PIAS1: variants seen among roughly 807,000 people sequenced by gnomAD.
The protein encoded by PIAS1 is protein inhibitor of activated STAT 1, also known as E3 SUMO-protein ligase PIAS1.
A neutral mutation model predicts 71.3 loss-of-function variants in PIAS1; 6 were observed. That is an observed-to-expected ratio of 0.08 (90% confidence interval 0.05 to 0.17). The LOEUF is 0.17. PIAS1 is among the 10% of genes least tolerant of loss of function. The probability of loss-of-function intolerance (pLI) is 1.00; values close to 1 mark genes in which losing one functional copy is unlikely to be tolerated. For missense variants in PIAS1, 555 were observed against 793.6 expected (o/e 0.70, Z 3.61); for synonymous variants, 303 against 292.9 (o/e 1.03, Z -0.35).
chr15:68,124,637 C>G (rs931288011), intron 2 of PIAS1, among the ~76,000 whole-genome samples: 1 of 152,146 alleles, frequency 6.6e-6, no homozygotes, highest in Non-Finnish European at 1.5e-5. Flanking sequence ...ATGAGAATCT[C>G]TTGAACCGGG....
At chr15:68,112,856 C>CA (rs10683193) in intron 2 of PIAS1, among the ~76,000 whole-genome samples, 2 of 152,270 alleles carry the variant, frequency 1.3e-5, no homozygotes, top group East Asian at 3.9e-4. Context: ...GAGTATGTCT[C>CA]GGAAATAACA....
At chr15:68,139,701 A>G (rs925717813) in intron 2 of PIAS1, among the ~76,000 whole-genome samples, 14 of 152,148 alleles carry the variant, frequency 9.2e-5, no homozygotes, top group African/African-American at 3.1e-4. Context: ...TTTATATAAC[A>G]TTTTAGTTTT....
chr15:68,112,617 G>A (rs1478700004), intron 2 of PIAS1, among the ~76,000 whole-genome samples: 1 of 152,114 alleles, frequency 6.6e-6, no homozygotes, highest in Non-Finnish European at 1.5e-5. Flanking sequence ...ACAGAAAAAG[G>A]CCAATAAGGG....
chr15:68,075,113 GTC>G (rs2092145892), intron 1 of PIAS1, among the ~76,000 whole-genome samples: 1 of 110,670 alleles, frequency 9.0e-6, no homozygotes, highest in African/African-American at 3.7e-5. Context: ...TTGAGGCGGA[GTC>G]TCTCTTTTGC....
At chr15:68,061,736 A>T (rs750865239) in intron 1 of PIAS1, among the ~76,000 whole-genome samples, 17 of 152,184 alleles carry the variant, frequency 1.1e-4, no homozygotes, top group Non-Finnish European at 1.9e-4. Flanking sequence ...TGTCACTCCT[A>T]TCTATAAAAA....
chr15:68,183,607 T>A, intron 12 of PIAS1, 23 bp from the exon 13 acceptor site: 2 of 986,964 alleles, frequency 2.0e-6, no homozygotes, highest in Non-Finnish European at 3.1e-6. Context: ...TTTTTTAAAC[T>A]GAAATAATTT....
chr15:68,138,160 GA>G (rs142109809), intron 2 of PIAS1, among the ~76,000 whole-genome samples: 6 of 151,874 alleles, frequency 4.0e-5, no homozygotes, highest in Non-Finnish European at 8.8e-5. Flanking sequence ...AAAAAAGAAA[GA>G]AAAAATAACC....
At chr15:68,055,854 C>G (rs774735151) in intron 1 of PIAS1, 3 of 694,926 alleles carry the variant, frequency 4.3e-6, no homozygotes, top group Admixed American at 2.0e-5. Flanking sequence ...ATATCCTCAC[C>G]GAAAGAGCTT....
rs60879036 is a variant in PIAS1 at position 68,119,237 on chromosome 15, C to CAAAAAAAAA, written c.470-22690_470-22682dup. Among the ~76,000 whole-genome samples the CAAAAAAAAA allele has an allele frequency of 7.4e-3, 202 of 27,406 alleles. 73 individuals carry two copies. The highest frequency in any genetic ancestry group is 0.027 in the East Asian group (15 of 552). The allele number at this position is 27,406 out of a possible 152,430, so 18.0% of individuals were successfully genotyped here. On this transcript the variant is annotated intron_variant, in intron 2 of 13. Transcript: ENST00000249636. ...CAACATGGTGAAACCCCATCTCTAC[C>CAAAAAAAAA]AAAAAAAAAAAAAAAAAAAAAAAAA...
intron 2 of PIAS1, among the ~76,000 whole-genome samples, chr15:68,134,963 G>GCAGA: frequency 7.7e-5 from 4 of 52,178 alleles, no homozygotes; most frequent in African/African-American, 1.2e-4. Context: ...GGCCGGCCGG[G>GCAGA]GGGGCTAACC....
At chr15:68,101,350 A>G (rs1462809438) in intron 2 of PIAS1, among the ~76,000 whole-genome samples, 1 of 115,030 alleles carries the variant, frequency 8.7e-6, no homozygotes, top group Admixed American at 8.7e-5. Flanking sequence ...TTTTTTTTTA[A>G]CTTATGAGTT....
chr15:68,108,748 A>T (rs758091300), intron 2 of PIAS1, among the ~76,000 whole-genome samples: 1 of 150,732 alleles, frequency 6.6e-6, no homozygotes, highest in Non-Finnish European at 1.5e-5. Context: ...CAAGTCAAAA[A>T]CTCTGGAGTT....
Position 68,178,613 on chromosome 15 carries a change from C to T in PIAS1, c.1481+1959C>T, listed in dbSNP as rs1567078730. Among the ~76,000 whole-genome samples, 1 of 152,092 alleles carries T rather than the reference C, an allele frequency of 6.6e-6. No homozygotes were observed. Among genetic ancestry groups the T allele is most frequent in the Non-Finnish European group, 1.5e-5 (1 of 68,004 alleles). ...TATCAAACCATAGTATGACCAAATA[C>T]ACATTGTCATGTGATTTTTTTAAGT... On this transcript the variant is annotated intron_variant, in intron 11 of 13. Coordinates refer to ENST00000249636, the MANE Select transcript of PIAS1 (RefSeq NM_016166.3). The surrounding 1 kb of genome is among the most constrained non-coding windows in gnomAD (Gnocchi z 4.2).
At chr15:68,142,372 A>C (rs1389799520) in intron 4 of PIAS1, 35 bp downstream of exon 4, 1 of 1,416,416 alleles carries the variant, frequency 7.1e-7, no homozygotes, top group Non-Finnish European at 1.0e-6. Flanking sequence ...TTCAAAGTTT[A>C]AAAGATAATA....
chr15:68,132,579 A>G (rs2092695789), intron 2 of PIAS1, among the ~76,000 whole-genome samples: 1 of 152,216 alleles, frequency 6.6e-6, no homozygotes, highest in South Asian at 2.1e-4. Context: ...TGGCCTATAC[A>G]ATAAGACATG....
At chr15:68,107,596 A>C (rs75345466) in intron 2 of PIAS1, among the ~76,000 whole-genome samples, 3,186 of 152,258 alleles carry the variant, frequency 0.021, 110 homozygotes, top group African/African-American at 0.072. Flanking sequence ...TCAATTTTTA[A>C]TACTTTACCC....
chr15:68,101,338 T>G (rs898321079), intron 2 of PIAS1, among the ~76,000 whole-genome samples: 9 of 152,042 alleles, frequency 5.9e-5, no homozygotes, highest in East Asian at 1.9e-4. Flanking sequence ...CAGTGTTTTT[T>G]TTTTTTTTTT....
rs745849670 is a variant in PIAS1, at chr15:68,086,731, G to A, written c.450G>A (p.Leu150=). The A allele has an allele frequency of 6.8e-6, 11 of 1,606,686 alleles. No homozygotes were observed. The highest frequency in any genetic ancestry group is 8.5e-6 in the Non-Finnish European group (10 of 1,173,382). The part of the protein sequence containing the change: ...KLPFYDLLDE[L]IKPTSLASDN... The stretch of plus-strand genomic sequence containing the variant: ...CATTTTATGATTTACTGGATGAACT[G>A]ATAAAACCCACCAGTCTAGGTAAGA... The change falls in exon 2 of 14, where the codon CTG becomes CTA. Residue 150 remains leucine (L), a synonymous_variant. Coordinates refer to ENST00000249636, the MANE Select transcript of PIAS1 (RefSeq NM_016166.3). The surrounding 1 kb of genome is among the most constrained non-coding windows in gnomAD (Gnocchi z 7.2).
At chr15:68,123,598 A>G (rs1401095330) in intron 2 of PIAS1, among the ~76,000 whole-genome samples, 1 of 152,182 alleles carries the variant, frequency 6.6e-6, no homozygotes, top group Admixed American at 6.5e-5. Flanking sequence ...TTTCCATGGA[A>G]TACCATGGAG....
Sources: allele counts gnomAD v4.1 joint callset (sites outside exome capture counted in the v4.1 genomes callset), GRCh38; gene constraint gnomAD v4.1.1; non-coding constraint Gnocchi (gnomAD v3.1); transcripts MANE v1.5; gene names NCBI Gene and HGNC (gene_info 2026-07-23, HGNC 2026-07-21).